MEI4: variants seen among roughly 807,000 people sequenced by gnomAD.
MEI4 encodes meiosis-specific protein MEI4.
A neutral mutation model predicts 31.4 loss-of-function variants in MEI4; 27 were observed. The observed-to-expected ratio is 0.86, with a 90% CI of 0.63 to 1.19. The LOEUF is 1.19. MEI4 is among the 50% of genes most tolerant of loss of function. The pLI is 0.00. For missense variants in MEI4, 329 were observed against 398.9 expected, an observed-to-expected ratio of 0.82 and a Z score of 1.49; for synonymous variants, 122 against 145.4, an observed-to-expected ratio of 0.84 and a Z score of 1.16.
At chr6:77,808,197 G>A (rs1471568013) in intron 3 of MEI4, among the ~76,000 whole-genome samples, 2 of 152,138 alleles carry the variant, frequency 1.3e-5, no homozygotes, top group Non-Finnish European at 2.9e-5. Flanking sequence ...ACTAATATAA[G>A]TATTCAGCCT....
At chr6:77,805,412 C>A (rs1433657870) in intron 3 of MEI4, among the ~76,000 whole-genome samples, 3 of 152,004 alleles carry the variant, frequency 2.0e-5, no homozygotes, top group Admixed American at 2.0e-4. Flanking sequence ...GATATTATAC[C>A]ATATAAAATG....
At chr6:77,701,235 T>A (rs1441052605) in intron 2 of MEI4, among the ~76,000 whole-genome samples, 3 of 152,178 alleles carry the variant, frequency 2.0e-5, no homozygotes, top group Non-Finnish European at 4.4e-5. Context: ...TTGGCAAGGA[T>A]TTAGTCTAGG....
At chr6:77,841,326 T>TATATAC (rs1292709315) in intron 4 of MEI4, among the ~76,000 whole-genome samples, 183 of 62,534 alleles carry the variant, frequency 2.9e-3, no homozygotes, top group African/African-American at 0.016. Context: ...TATATATATA[T>TATATAC]ATATATATTT....
intron 2 of MEI4, among the ~76,000 whole-genome samples, chr6:77,708,611 G>A (rs1220625133): frequency 6.6e-6 from 1 of 152,200 alleles, no homozygotes; most frequent in Non-Finnish European, 1.5e-5. Flanking sequence ...ATGTTGAAAT[G>A]TGATCCCCAG....
intron 3 of MEI4, among the ~76,000 whole-genome samples, chr6:77,811,753 G>A (rs1166292464): frequency 2.7e-5 from 4 of 145,710 alleles, no homozygotes; most frequent in East Asian, 2.0e-4. Context: ...CCAGACTGGC[G>A]ACAAAGTGAA....
rs1220199700 is a variant in MEI4, at chr6:77,820,195, A to C, written c.769-8736A>C. ...TAAATAGACATAAGAAAAGGGAAAC[A>C]GACCTCTTCAGAATATCAAACACAA... On this transcript the variant is annotated intron_variant, in intron 3 of 4. Coordinates refer to ENST00000684080, the MANE Select transcript of MEI4 (RefSeq NM_001322247.2). The surrounding 1 kb of genome is among the most constrained non-coding windows in gnomAD (Gnocchi z 4.5). Among the ~76,000 whole-genome samples, 1 of 152,180 alleles carries C rather than the reference A, an allele frequency of 6.6e-6. No individual in the cohort carries two copies. Among genetic ancestry groups the C allele is most frequent in the African/African-American group, 2.4e-5 (1 of 41,448 alleles).
Position 77,847,768 on chromosome 6 carries a change from CTTAT to C in MEI4, c.900+18713_900+18716del, listed in dbSNP as rs1263713247. Among the ~76,000 whole-genome samples, 4 of 151,874 alleles carry C rather than the reference CTTAT, an allele frequency of 2.6e-5. No homozygotes were observed. Among genetic ancestry groups the C allele is most frequent in the East Asian group, 1.9e-4 (1 of 5,176 alleles). On this transcript the variant is annotated intron_variant, in intron 4 of 4. Coordinates refer to ENST00000684080, the MANE Select transcript of MEI4 (RefSeq NM_001322247.2). This position sits in a 1 kb window ranked among gnomAD's most constrained non-coding sequence, Gnocchi z 4.6. The stretch of plus-strand genomic sequence containing the variant: ...TATGTACTGAGGTTAGTGAAAATTT[CTTAT>C]TTATTTTTCTATTTATATTACTCAC...
intron 4 of MEI4, among the ~76,000 whole-genome samples, chr6:77,901,003 G>A (rs1194479008): frequency 2.0e-5 from 3 of 151,822 alleles, no homozygotes; most frequent in Admixed American, 2.0e-4. Context: ...TTAACATAAT[G>A]TCCTTGGGTT....
chr6:77,801,347 A>G (rs1430698553), intron 3 of MEI4, among the ~76,000 whole-genome samples: 1 of 152,008 alleles, frequency 6.6e-6, no homozygotes, highest in African/African-American at 2.4e-5. Flanking sequence ...TATCCCCTTT[A>G]TCATTTTTTA....
At chr6:77,892,525 T>C (rs1765983216) in intron 4 of MEI4, among the ~76,000 whole-genome samples, 1 of 152,024 alleles carries the variant, frequency 6.6e-6, no homozygotes, top group South Asian at 2.1e-4. Context: ...TTAGGGTGCA[T>C]GCAGGTGTTC....
At chr6:77,892,022 C>T (rs1020175999) in intron 4 of MEI4, among the ~76,000 whole-genome samples, 2 of 152,174 alleles carry the variant, frequency 1.3e-5, no homozygotes, top group Non-Finnish European at 2.9e-5. Flanking sequence ...TTCTCTGGCC[C>T]CCAGGCAGTG....
intron 4 of MEI4, among the ~76,000 whole-genome samples, chr6:77,884,496 G>A (rs1421621201): frequency 6.6e-6 from 1 of 152,150 alleles, no homozygotes; most frequent in Non-Finnish European, 1.5e-5. Context: ...GCTCTTACAT[G>A]TAAATCTTCA....
At chr6:77,747,043 G>C (rs923690663) in intron 2 of MEI4, among the ~76,000 whole-genome samples, 1 of 152,086 alleles carries the variant, frequency 6.6e-6, no homozygotes, top group Non-Finnish European at 1.5e-5. Context: ...TGGGTGCGGT[G>C]GCTCATGTCT....
intron 4 of MEI4, among the ~76,000 whole-genome samples, chr6:77,890,373 TG>T (rs1771730228): frequency 1.3e-5 from 2 of 152,162 alleles, no homozygotes; most frequent in African/African-American, 4.8e-5. Context: ...TAATGACTGA[TG>T]TATTGGATTT....
chr6:77,716,828 A>C, intron 2 of MEI4: 1 of 973,704 alleles, frequency 1.0e-6, no homozygotes, highest in Non-Finnish European at 1.2e-6. Flanking sequence ...CAAGGAGAAT[A>C]TTTTCAGAAT....
chr6:77,799,762 A>G (rs2127699745), intron 3 of MEI4, among the ~76,000 whole-genome samples: 2 of 152,202 alleles, frequency 1.3e-5, no homozygotes, highest in Middle Eastern at 6.8e-3. Flanking sequence ...TCCTTTCCCC[A>G]TTGCTTGTTT....
At chr6:77,846,261 T>C (rs2127716595) in intron 4 of MEI4, among the ~76,000 whole-genome samples, 1 of 152,246 alleles carries the variant, frequency 6.6e-6, no homozygotes, top group Admixed American at 6.5e-5. Flanking sequence ...ATTTTAATTC[T>C]TTTTTAATTC....
intron 3 of MEI4, among the ~76,000 whole-genome samples, chr6:77,815,948 G>T (rs1472086603): frequency 6.6e-6 from 1 of 150,986 alleles, no homozygotes; most frequent in Non-Finnish European, 1.5e-5. Flanking sequence ...TAGGCAGAGG[G>T]TTATATGAGT....
At chr6:77,895,858 A>T (rs572682711) in intron 4 of MEI4, among the ~76,000 whole-genome samples, 1 of 152,274 alleles carries the variant, frequency 6.6e-6, no homozygotes, top group South Asian at 2.1e-4. Flanking sequence ...TAGAGAATTT[A>T]GCTGCTTTTA....
Sources: gnomAD v4.1 joint callset for allele counts (sites outside exome capture counted in the v4.1 genomes callset) on GRCh38, gnomAD v4.1.1 for gene constraint, Gnocchi (gnomAD v3.1) non-coding constraint, MANE v1.5 for transcripts, NCBI Gene and HGNC (gene_info 2026-07-23, HGNC 2026-07-21) for gene names.